Variants in SLC39A8 observed in about 807,000 individuals in gnomAD.
SLC39A8 encodes solute carrier family 39 member 8.
A neutral mutation model predicts 40.4 loss-of-function variants in SLC39A8; 15 were observed. That is an observed-to-expected ratio of 0.37 (90% CI 0.25 to 0.57). The LOEUF is 0.57. Among genes scored for constraint, SLC39A8 ranks in the 20% least tolerant of loss-of-function variants. The pLI is 0.75. For synonymous variants in SLC39A8, 223 were observed against 221.6 expected (o/e 1.01, Z -0.06); for missense variants, 472 against 558.8 (o/e 0.84, Z 1.57).
At chr4:102,279,409 G>C (rs1338798472) in intron 6 of SLC39A8, among the ~76,000 whole-genome samples, 3 of 152,090 alleles carry the variant, frequency 2.0e-5, no homozygotes, top group Admixed American at 1.3e-4. Context: ...TGAAGACAAG[G>C]ACAGTGCTTA....
At chr4:102,258,927 A>G (rs1731774732), downstream of SLC39A8, among the ~76,000 whole-genome samples, 1 of 152,204 alleles carries the variant, frequency 6.6e-6, no homozygotes, top group Admixed American at 6.5e-5. Flanking sequence ...ACCAGAACTT[A>G]CACACCACTC....
At chr4:102,328,686 G>C (rs547014847) in intron 2 of SLC39A8, among the ~76,000 whole-genome samples, 1 of 152,260 alleles carries the variant, frequency 6.6e-6, no homozygotes, top group East Asian at 1.9e-4. Context: ...CCAGTCCTTT[G>C]CCTCATGGAC....
At position 102,315,682 on chromosome 4, in the gene SLC39A8, G is replaced by A; in HGVS notation, c.368C>T (p.Pro123Leu). The change falls in exon 3 of 9, where the codon CCA becomes CTA. Residue 123 changes from proline (P) to leucine (L), a missense_variant. Coordinates refer to ENST00000356736, the MANE Select transcript of SLC39A8 (RefSeq NM_001135146.2). ...CEDRPKHKTR[P>L]SHSEVWGYGF... ...TTCTAATATACCTTCTGAATGACTTGGTCTTGTTTTGTGCTTGGGCCGATC... is the reference window on the plus strand; with the variant it reads ...TTCTAATATACCTTCTGAATGACTTAGTCTTGTTTTGTGCTTGGGCCGATC... 2 of 1,608,904 alleles carry A rather than the reference G, an allele frequency of 1.2e-6. No individual in the cohort carries two copies. The highest frequency in any genetic ancestry group is 2.2e-5 in the East Asian group (1 of 44,778).
At chr4:102,294,092 T>G (rs148969768) in intron 6 of SLC39A8, among the ~76,000 whole-genome samples, 4 of 151,908 alleles carry the variant, frequency 2.6e-5, no homozygotes, top group Admixed American at 6.6e-5. Flanking sequence ...AAACTTAAAA[T>G]TTTTGAAAGA....
At chr4:102,304,851 CTT>C in intron 5 of SLC39A8, 136 bp downstream of exon 5, 1 of 693,382 alleles carries the variant, frequency 1.4e-6, no homozygotes. Flanking sequence ...TATATTGACT[CTT>C]TGTTCTCCTT....
intron 6 of SLC39A8, among the ~76,000 whole-genome samples, chr4:102,270,745 T>C (rs1732318958): frequency 6.6e-6 from 1 of 152,086 alleles, no homozygotes; most frequent in Admixed American, 6.5e-5. Context: ...ACCTTTCACT[T>C]AGTTATTAAT....
chr4:102,320,380 GA>G (rs1277322688), intron 2 of SLC39A8, among the ~76,000 whole-genome samples: 2 of 118,774 alleles, frequency 1.7e-5, no homozygotes, highest in East Asian at 4.6e-4. Flanking sequence ...ATATATATGA[GA>G]ATATATATAT....
chr4:102,279,889 TAGAG>T (rs963687408), intron 6 of SLC39A8, among the ~76,000 whole-genome samples: 2 of 152,198 alleles, frequency 1.3e-5, no homozygotes, highest in Non-Finnish European at 1.5e-5. Context: ...TGGAGGTTGA[TAGAG>T]AGAAAAGTGG....
chr4:102,253,768 A>G (rs1731647262), intron 11 of SLC39A8, among the ~76,000 whole-genome samples: 1 of 152,152 alleles, frequency 6.6e-6, no homozygotes, highest in Admixed American at 6.6e-5. Context: ...CTAATGTACT[A>G]GAAAATATTT....
chr4:102,286,460 TTAGTA>T (rs2149020057), intron 6 of SLC39A8, among the ~76,000 whole-genome samples: 1 of 152,222 alleles, frequency 6.6e-6, no homozygotes, highest in South Asian at 2.1e-4. Flanking sequence ...TGAAAGCAAT[TTAGTA>T]TAGAACATGT....
chr4:102,312,410 A>G (rs1734471691), intron 3 of SLC39A8, among the ~76,000 whole-genome samples: 1 of 152,004 alleles, frequency 6.6e-6, no homozygotes, highest in African/African-American at 2.4e-5. Context: ...TTTCCATTTT[A>G]TGACTTTGTA....
At chr4:102,255,543 C>T (rs529366413) in intron 11 of SLC39A8, among the ~76,000 whole-genome samples, 2 of 152,270 alleles carry the variant, frequency 1.3e-5, no homozygotes, top group South Asian at 2.1e-4. Flanking sequence ...TGGCTCTCCA[C>T]ATCCTTAGAA....
chr4:102,322,345 A>G (rs954642257), intron 2 of SLC39A8, among the ~76,000 whole-genome samples: 1 of 152,216 alleles, frequency 6.6e-6, no homozygotes. Context: ...ATGTGGGCCA[A>G]TGAATTCCCT....
At chr4:102,327,298 C>A (rs1234458201) in intron 2 of SLC39A8, among the ~76,000 whole-genome samples, 3 of 152,116 alleles carry the variant, frequency 2.0e-5, no homozygotes, top group Admixed American at 6.6e-5. Flanking sequence ...AGTCTAAAGT[C>A]CTAACACTTA....
chr4:102,335,841 C>T (rs770952407), intron 2 of SLC39A8, among the ~76,000 whole-genome samples: 12 of 152,170 alleles, frequency 7.9e-5, no homozygotes, highest in Non-Finnish European at 1.2e-4. Flanking sequence ...ATCAAAGGCA[C>T]TGGACTGACT....
chr4:102,272,333 G>A (rs1217717153), intron 6 of SLC39A8, among the ~76,000 whole-genome samples: 1 of 151,990 alleles, frequency 6.6e-6, no homozygotes, highest in Non-Finnish European at 1.5e-5. Context: ...CAGCTACTCA[G>A]GAGGCTGAGG....
chr4:102,254,322 G>A (rs1560519598), intron 11 of SLC39A8, among the ~76,000 whole-genome samples: 1 of 152,100 alleles, frequency 6.6e-6, no homozygotes. Flanking sequence ...TATATCTCCA[G>A]GCCTAGCATC....
chr4:102,324,472 G>T (rs776337156), intron 2 of SLC39A8, among the ~76,000 whole-genome samples: 2 of 150,052 alleles, frequency 1.3e-5, no homozygotes, highest in African/African-American at 2.4e-5. Flanking sequence ...GGTATACTTC[G>T]CTTTCTGCAC....
At chr4:102,339,324 GAA>G (rs1281646921) in intron 2 of SLC39A8, among the ~76,000 whole-genome samples, 1 of 141,488 alleles carries the variant, frequency 7.1e-6, no homozygotes, top group African/African-American at 2.6e-5. Context: ...ACATAAAGGG[GAA>G]AAAAAAAAAA....
Sources: gnomAD v4.1 joint callset for allele counts (sites outside exome capture counted in the v4.1 genomes callset) on GRCh38, gnomAD v4.1.1 for gene constraint, MANE v1.5 for transcripts, NCBI Gene and HGNC (gene_info 2026-07-23, HGNC 2026-07-21) for gene names.